Variants in CDIN1 observed in about 807,000 individuals in gnomAD.
CDIN1 encodes CDAN1 interacting nuclease 1.
Under a neutral mutation model 45.3 loss-of-function variants are expected in CDIN1, and 33 were observed. That is an observed-to-expected ratio of 0.73 (90% CI 0.55 to 0.97). The LOEUF (loss-of-function observed/expected upper bound fraction) is 0.97. Among genes scored for constraint, CDIN1 ranks in the 50% least tolerant of loss-of-function variants. The pLI is 0.00. For missense variants in CDIN1, 303 were observed against 339.4 expected, an observed-to-expected ratio of 0.89 and a Z score of 0.84; for synonymous variants, 118 against 124.4, an observed-to-expected ratio of 0.95 and a Z score of 0.34.
At chr15:36,784,048 T>C (rs1475404866) in intron 10 of CDIN1, among the ~76,000 whole-genome samples, 1 of 152,190 alleles carries the variant, frequency 6.6e-6, no homozygotes, top group Non-Finnish European at 1.5e-5. Context: ...ATATTTAGAA[T>C]AAGTAAGCAT....
chr15:36,647,242 T>G (rs1429734962), intron 3 of CDIN1, among the ~76,000 whole-genome samples: 1 of 151,986 alleles, frequency 6.6e-6, no homozygotes, highest in Non-Finnish European at 1.5e-5. Context: ...CCCAGGCTGT[T>G]CTTGAACTTC....
rs149600689 is a variant in CDIN1, at chr15:36,628,820, G to A, written c.102-15458G>A. Among the ~76,000 whole-genome samples, 710 of 152,314 alleles carry A rather than the reference G, an allele frequency of 4.7e-3. 5 individuals are homozygous for A. Among genetic ancestry groups the A allele is most frequent in the African/African-American group, 0.016 (682 of 41,548 alleles). ...ACATAGACTTAGAGTCTTTGCAGAT[G>A]TAATTAACTTAAGGATCTTGAGATG... On this transcript the variant is annotated intron_variant, in intron 1 of 10. Transcript: ENST00000566621.
intron 5 of CDIN1, among the ~76,000 whole-genome samples, chr15:36,664,250 G>T (rs767733738): frequency 1.3e-5 from 2 of 152,218 alleles, no homozygotes; most frequent in Non-Finnish European, 2.9e-5. Context: ...AAATGTGGAA[G>T]TGTGGGCTTC....
chr15:36,777,454 T>C (rs1208790128), intron 10 of CDIN1, among the ~76,000 whole-genome samples: 1 of 151,900 alleles, frequency 6.6e-6, no homozygotes, highest in African/African-American at 2.4e-5. Flanking sequence ...TCTCCCTGTT[T>C]TTCAGAAACT....
chr15:36,754,566 TAAAAAAAAAA>T (rs5811936), intron 10 of CDIN1, among the ~76,000 whole-genome samples: 1 of 102,490 alleles, frequency 9.8e-6, no homozygotes. Flanking sequence ...TGGTCTCTCT[TAAAAAAAAAA>T]AAAAAAAAAA....
intron 6 of CDIN1, 110 bp from the exon 7 acceptor site, chr15:36,692,016 T>TTTTTTTGTG: frequency 1.9e-6 from 1 of 521,034 alleles, no homozygotes; most frequent in South Asian, 4.3e-5. Context: ...TTTCTTTTTT[T>TTTTTTTGTG]GGGGGGCGGG....
At chr15:36,706,770 C>T (rs1456897908) in intron 8 of CDIN1, 3 of 152,112 alleles carry the variant, frequency 2.0e-5, no homozygotes, top group African/African-American at 4.8e-5. Flanking sequence ...AGTGAGAGTT[C>T]TCCAATAAAA....
At chr15:36,699,603 T>C (rs925685503) in intron 8 of CDIN1, among the ~76,000 whole-genome samples, 1 of 152,194 alleles carries the variant, frequency 6.6e-6, no homozygotes, top group African/African-American at 2.4e-5. Context: ...TTAACCCTTC[T>C]TAATTTAAGA....
chr15:36,689,853 A>C (rs1223149870), intron 5 of CDIN1, among the ~76,000 whole-genome samples: 1 of 152,214 alleles, frequency 6.6e-6, no homozygotes, highest in African/African-American at 2.4e-5. Context: ...GATTCTTACT[A>C]TTACTTGAAC....
At chr15:36,602,145 C>T (rs2140236610) in intron 1 of CDIN1, among the ~76,000 whole-genome samples, 1 of 152,370 alleles carries the variant, frequency 6.6e-6, no homozygotes, top group East Asian at 1.9e-4. Flanking sequence ...CTTCCAGCCA[C>T]TCCAGTGGAA....
chr15:36,580,244 T>C (rs953571730), intron 1 of CDIN1, among the ~76,000 whole-genome samples: 1 of 152,180 alleles, frequency 6.6e-6, no homozygotes, highest in African/African-American at 2.4e-5. Context: ...TGGGTGAACA[T>C]AGTAGGTGCT....
At chr15:36,695,336 G>A (rs1352089241) in intron 7 of CDIN1, among the ~76,000 whole-genome samples, 1 of 151,970 alleles carries the variant, frequency 6.6e-6, no homozygotes, top group Admixed American at 6.6e-5. Context: ...GGACAATGAA[G>A]GTAATGATTC....
At chr15:36,668,301 A>G (rs1399357449) in intron 5 of CDIN1, 1 of 152,180 alleles carries the variant, frequency 6.6e-6, no homozygotes, top group East Asian at 1.9e-4. Context: ...TGTAGCTAAC[A>G]TGTAAAACAT....
chr15:36,602,892 G>A (rs2038176726), intron 1 of CDIN1, among the ~76,000 whole-genome samples: 1 of 152,136 alleles, frequency 6.6e-6, no homozygotes, highest in Admixed American at 6.5e-5. Flanking sequence ...GGAGGCTTAG[G>A]CAGGAGAACG....
chr15:36,654,140 C>G lies in CDIN1; in HGVS notation c.255C>G (p.Leu85=). 1 of 1,574,952 alleles carries G rather than the reference C, an allele frequency of 6.3e-7. No individual in the cohort carries two copies. The change falls in exon 4 of 11, where the codon CTC becomes CTG. Residue 85 remains leucine, a synonymous_variant. Coordinates refer to ENST00000566621, the MANE Select transcript of CDIN1 (RefSeq NM_001321759.2). ...GVVKNGAAPV[L]LDLANEVDYA... Reference sequence around the variant, plus strand: ...TGAAAAATGGAGCTGCCCCAGTGCTCCTGGACCTGGCCAATGAGGTAATGT... The same window carrying G: ...TGAAAAATGGAGCTGCCCCAGTGCTGCTGGACCTGGCCAATGAGGTAATGT...
chr15:36,793,520 G>A (rs2054703091), intron 10 of CDIN1, among the ~76,000 whole-genome samples: 1 of 152,070 alleles, frequency 6.6e-6, no homozygotes, highest in South Asian at 2.1e-4. Context: ...ATAAATTACT[G>A]TACACTTTGT....
chr15:36,696,946 TAAAAAAAAAA>T lies in CDIN1; in HGVS notation c.477-361_477-352del, dbSNP rs1163749494. Among the ~76,000 whole-genome samples, 12 of 92,228 alleles carry T rather than the reference TAAAAAAAAAA, an allele frequency of 1.3e-4. No individual in the cohort carries two copies. In the South Asian group the frequency reaches 3.9e-3, roughly 30 times the overall value. 60.5% of individuals were successfully genotyped at this position (92,228 alleles called of 152,430 possible). On this transcript the variant is annotated intron_variant, in intron 7 of 10. Coordinates refer to ENST00000566621, the MANE Select transcript of CDIN1 (RefSeq NM_001321759.2). ...GAGCAACATAGTGCGATTCCATTTC[TAAAAAAAAAA>T]AAAAAAAAAAAAAAATTACCCAGGC... is the stretch of plus-strand genomic sequence containing the variant.
chr15:36,807,066 C>G (rs2055252382), intron 10 of CDIN1, among the ~76,000 whole-genome samples: 1 of 152,188 alleles, frequency 6.6e-6, no homozygotes. Context: ...GGTTCTGTAC[C>G]TGCACAGAGG....
chr15:36,767,781 G>A (rs1372848624), intron 10 of CDIN1, among the ~76,000 whole-genome samples: 1 of 152,210 alleles, frequency 6.6e-6, no homozygotes, highest in East Asian at 1.9e-4. Context: ...AAATTCAAAT[G>A]TATTGCAGTA....
Sources: allele counts gnomAD v4.1 joint callset (sites outside exome capture counted in the v4.1 genomes callset), GRCh38; gene constraint gnomAD v4.1.1; transcripts MANE v1.5; gene names NCBI Gene and HGNC (gene_info 2026-07-23, HGNC 2026-07-21).